AGMO: variants seen among roughly 807,000 people sequenced by gnomAD.
AGMO encodes the protein alkylglycerol monooxygenase, also known as glyceryl-ether monooxygenase.
Under a neutral mutation model 60.2 loss-of-function variants are expected in AGMO, and 75 were observed. The observed-to-expected ratio is 1.25, with a 90% CI of 1.03 to 1.51. The LOEUF is 1.51. AGMO is among the 40% of genes most tolerant of loss of function. The pLI, the probability that AGMO is intolerant of heterozygous loss-of-function variation, is 0.00. For missense variants in AGMO, 763 were observed against 525.5 expected (o/e 1.45, Z -4.42); for synonymous variants, 261 against 177.1 (o/e 1.47, Z -3.76).
At chr7:15,540,372 T>C (rs1414097899) in intron 3 of AGMO, among the ~76,000 whole-genome samples, 1 of 152,102 alleles carries the variant, frequency 6.6e-6, no homozygotes, top group East Asian at 1.9e-4. Context: ...TGCCAGAGGG[T>C]GTAGGCTACA....
rs535874727 is a variant in AGMO at position 15,406,466 on chromosome 7, C to T, written c.609+12092G>A. 3.9e-3 allele frequency among the ~76,000 whole-genome samples: 478 copies of T among 121,574 alleles called. 1 individual carries two copies. Among genetic ancestry groups the T allele is most frequent in the Middle Eastern group, 0.036 (6 of 168 alleles). The allele number at this position is 121,574 out of a possible 152,430, so 79.8% of individuals were successfully genotyped here. A position where few individuals can be genotyped will look rare whatever the true frequency, so the allele number is the denominator to read the frequency against. On this transcript the variant is annotated intron_variant, in intron 5 of 12. Transcript: ENST00000342526. ...ATGTACACATATATACCCACGTATA[C>T]ACATATATGTATATGTATATGTGAT...
At chr7:15,153,259 C>T in the AGMO span, among the ~76,000 whole-genome samples, 139,783 of 151,998 alleles carry the variant, frequency 0.92, 64,406 homozygotes, top group East Asian at 0.98. Flanking sequence ...GTCAGATATA[C>T]AGATTGTGAA....
chr7:15,349,995 T>C (rs1232166443), intron 12 of AGMO, among the ~76,000 whole-genome samples: 1 of 152,132 alleles, frequency 6.6e-6, no homozygotes, highest in Non-Finnish European at 1.5e-5. Context: ...AAATGGTAAC[T>C]ATTTAATATT....
At chr7:15,517,302 A>G (rs1014568754) in intron 3 of AGMO, among the ~76,000 whole-genome samples, 1 of 151,480 alleles carries the variant, frequency 6.6e-6, no homozygotes, top group Non-Finnish European at 1.5e-5. Flanking sequence ...TAAAAAATTT[A>G]ATCTAGTGTG....
chr7:15,177,974 CAATA>C, the AGMO span, among the ~76,000 whole-genome samples: 1 of 152,178 alleles, frequency 6.6e-6, no homozygotes, highest in Middle Eastern at 3.4e-3. Context: ...TTATATATCC[CAATA>C]AATAGTCAAT....
At chr7:15,168,209 T>C in the AGMO span, among the ~76,000 whole-genome samples, 1 of 152,262 alleles carries the variant, frequency 6.6e-6, no homozygotes, top group African/African-American at 2.4e-5. Flanking sequence ...GATTTTAATT[T>C]TTAACTATGC....
At chr7:15,442,013 CG>C (rs141745755) in intron 3 of AGMO, among the ~76,000 whole-genome samples, 1,918 of 152,248 alleles carry the variant, frequency 0.013, 38 homozygotes, top group African/African-American at 0.045. Flanking sequence ...AACTTTAGAA[CG>C]TCATAGCAAA....
At chr7:15,188,758 T>C in the AGMO span, among the ~76,000 whole-genome samples, 1 of 75,874 alleles carries the variant, frequency 1.3e-5, no homozygotes, top group African/African-American at 6.1e-5. Context: ...TAATACAGTC[T>C]TTCAAAGACA....
chr7:15,461,357 G>C (rs545227291), intron 3 of AGMO, among the ~76,000 whole-genome samples: 215 of 149,534 alleles, frequency 1.4e-3, no homozygotes, highest in Non-Finnish European at 2.6e-3. Flanking sequence ...GATAAATAAA[G>C]GCTGTAGAGA....
chr7:15,278,138 C>G (rs1196848811), intron 12 of AGMO, among the ~76,000 whole-genome samples: 4 of 152,170 alleles, frequency 2.6e-5, no homozygotes, highest in Admixed American at 6.5e-5. Context: ...CAGCTCTACA[C>G]AGGAGGGGTT....
At chr7:15,361,314 C>T (rs920006439) in intron 12 of AGMO, among the ~76,000 whole-genome samples, 6 of 150,974 alleles carry the variant, frequency 4.0e-5, no homozygotes, top group African/African-American at 9.7e-5. Context: ...CCAAGGCAGG[C>T]GGATCACCAG....
chr7:15,340,977 G>A (rs1485858698), intron 12 of AGMO, among the ~76,000 whole-genome samples: 1 of 152,130 alleles, frequency 6.6e-6, no homozygotes, highest in South Asian at 2.1e-4. Context: ...CAGCTAGGAG[G>A]GGTGCTGTAC....
chr7:15,291,670 A>G (rs1784267729), intron 12 of AGMO, among the ~76,000 whole-genome samples: 1 of 152,192 alleles, frequency 6.6e-6, no homozygotes, highest in Admixed American at 6.5e-5. Flanking sequence ...AACAGTGGGT[A>G]CAAAGAGAGG....
chr7:15,443,357 C>G (rs948351983), intron 3 of AGMO, among the ~76,000 whole-genome samples: 1 of 152,190 alleles, frequency 6.6e-6, no homozygotes, highest in Non-Finnish European at 1.5e-5. Context: ...CCCCCTAGAG[C>G]TTTGAGCAGC....
chr7:15,301,769 A>G (rs1260296792), intron 12 of AGMO, among the ~76,000 whole-genome samples: 2 of 152,188 alleles, frequency 1.3e-5, no homozygotes, highest in African/African-American at 4.8e-5. Flanking sequence ...TCTGAATTAC[A>G]TACATCTTTT....
the AGMO span, among the ~76,000 whole-genome samples, chr7:15,136,494 AT>A: frequency 0.43 from 64,243 of 150,584 alleles, 13,951 homozygotes; most frequent in South Asian, 0.56. Context: ...TAACATCTGT[AT>A]TTTTTTTTTA....
the AGMO span, among the ~76,000 whole-genome samples, chr7:15,155,857 T>C: frequency 7.9e-5 from 12 of 152,298 alleles, no homozygotes; most frequent in African/African-American, 2.9e-4. Context: ...GTGGAATAAG[T>C]TGCCTTTAGT....
rs374117543 is a variant in AGMO at position 15,544,875 on chromosome 7, C to T, written c.306G>A (p.Glu102=). Residue 102 remains glutamate, a synonymous_variant, in exon 3 of 13, where the codon GAG becomes GAA. Coordinates refer to ENST00000342526, the MANE Select transcript of AGMO (RefSeq NM_001004320.2). ...AAGGCAAATTGAACAGCCTGTAGTTCTCCCAGATATAAATATAACTGGTCA... is the reference window on the plus strand; with the variant it reads ...AAGGCAAATTGAACAGCCTGTAGTTTTCCCAGATATAAATATAACTGGTCA... ...IELTSYIYIW[E]NYRLFNLPWD... 1.3e-6 allele frequency: 2 copies of T among 1,598,758 alleles called. No individual in the cohort carries two copies. The highest frequency in any genetic ancestry group is 1.7e-6 in the Non-Finnish European group (2 of 1,171,730).
At position 15,365,512 on chromosome 7, in the gene AGMO, A is replaced by T. The variant is rs1562460898; in HGVS notation, c.1263+2T>A. On this transcript the variant is annotated splice_donor_variant, in intron 12 of 12. Transcript: ENST00000342526. LOFTEE classifies it high-confidence loss of function. The stretch of plus-strand genomic sequence containing the variant: ...CTGTGGCTACCTAAACAAATGTCTT[A>T]CCTCAAAAGCAGATGACAATGAAGG... The T allele has an allele frequency of 3.7e-6, 6 of 1,605,134 alleles. No individual in the cohort carries two copies. In the South Asian group the frequency reaches 5.5e-5, roughly 15 times the overall value.
Sources: gnomAD v4.1 joint callset for allele counts (sites outside exome capture counted in the v4.1 genomes callset) on GRCh38, gnomAD v4.1.1 for gene constraint, MANE v1.5 for transcripts, NCBI Gene and HGNC (gene_info 2026-07-23, HGNC 2026-07-21) for gene names.